Variants in FLI1 observed in about 807,000 individuals in gnomAD.
FLI1 encodes the protein Fli-1 proto-oncogene, ETS transcription factor, also known as Friend leukemia integration 1 transcription factor.
A neutral mutation model predicts 53.1 loss-of-function variants in FLI1; 13 were observed. That is an observed-to-expected ratio of 0.24 (90% confidence interval 0.16 to 0.39). The LOEUF is 0.39. Ranked by LOEUF, FLI1 falls within the 10% of genes least tolerant of loss-of-function variation. The pLI is 1.00. For missense variants in FLI1, 424 were observed against 600.5 expected (o/e 0.71, Z 3.07); for synonymous variants, 244 against 236.7 (o/e 1.03, Z -0.28).
At chr11:128,727,449 C>T (rs1225426130) in intron 1 of FLI1, among the ~76,000 whole-genome samples, 1 of 152,214 alleles carries the variant, frequency 6.6e-6, no homozygotes, top group African/African-American at 2.4e-5. Context: ...AGATGCTGAT[C>T]TCAGCAAGTC....
intron 2 of FLI1, among the ~76,000 whole-genome samples, chr11:128,767,803 G>A (rs1354403596): frequency 6.7e-6 from 1 of 149,778 alleles, no homozygotes; most frequent in Non-Finnish European, 1.5e-5. Flanking sequence ...TGGCAGTGAG[G>A]CTAAAAATGT....
At chr11:128,741,539 G>A (rs1425872886) in intron 1 of FLI1, among the ~76,000 whole-genome samples, 3 of 152,220 alleles carry the variant, frequency 2.0e-5, no homozygotes, top group Non-Finnish European at 4.4e-5. Flanking sequence ...AGATCTAATG[G>A]GTGTTTCAGG....
Position 128,782,002 on chromosome 11 carries a change from T to C in FLI1, c.634T>C (p.Ser212Pro). 6.2e-7 allele frequency: 1 copy of C among 1,613,860 alleles called. No homozygotes were observed. The highest frequency in any genetic ancestry group is 1.6e-4 in the Middle Eastern group (1 of 6,062). Residue 212 changes from serine to proline, a missense_variant, in exon 5 of 9, where the codon TCA becomes CCA. Physicochemically the swap from Ser to Pro is moderately conservative, Grantham distance 74. Around this residue, in one of 5 missense-constraint regions of FLI1, gnomAD observed 114 missense variants for 117.9 expected, o/e 0.97. Coordinates refer to ENST00000527786, the MANE Select transcript of FLI1 (RefSeq NM_002017.5). ...TACAACCTCCCACACCGACCAATCC[T>C]CACGATTGAGTGTCAAAGAAGGTAA... ...YNTTSHTDQS[S>P]RLSVKEDPSY... is the part of the protein sequence containing the mutation.
intron 5 of FLI1, among the ~76,000 whole-genome samples, chr11:128,783,836 T>C (rs559628153): frequency 2.9e-4 from 44 of 152,262 alleles, no homozygotes; most frequent in Admixed American, 1.9e-3. Context: ...TTTGATATGT[T>C]CTACATACTG....
At chr11:128,776,708 T>C (rs1427038828) in intron 4 of FLI1, among the ~76,000 whole-genome samples, 1 of 152,186 alleles carries the variant, frequency 6.6e-6, no homozygotes, top group Non-Finnish European at 1.5e-5. Context: ...ATTTTGAAGC[T>C]GAACCCACTG....
chr11:128,735,238 T>C (rs1441286155), intron 1 of FLI1, among the ~76,000 whole-genome samples: 2 of 152,162 alleles, frequency 1.3e-5, no homozygotes, highest in Admixed American at 1.3e-4. Context: ...AACAACAAAA[T>C]GAGGGGAAAT....
chr11:128,730,327 G>A (rs1481919640), intron 1 of FLI1, among the ~76,000 whole-genome samples: 1 of 152,186 alleles, frequency 6.6e-6, no homozygotes, highest in Non-Finnish European at 1.5e-5. Context: ...TAGGCCACAC[G>A]TTTACGCTCA....
chr11:128,784,426 A>G (rs963321663), intron 5 of FLI1, among the ~76,000 whole-genome samples: 5 of 152,322 alleles, frequency 3.3e-5, no homozygotes, highest in African/African-American at 1.2e-4. Context: ...CTCTTCTGAA[A>G]TGAATTAACT....
chr11:128,761,250 T>C lies in FLI1; in HGVS notation c.230+2924T>C, dbSNP rs571181818. ...AACATTCCTACTCCATCTAGTCATA[T>C]GACTCTCTCCCTCACGAGTTTTGGG... On this transcript the variant is annotated intron_variant, in intron 2 of 8. Coordinates refer to ENST00000527786, the MANE Select transcript of FLI1 (RefSeq NM_002017.5). Among the ~76,000 whole-genome samples the C allele has an allele frequency of 2.0e-5, 3 of 152,284 alleles. No individual in the cohort carries two copies. In the East Asian group the frequency reaches 5.8e-4, roughly 29 times the overall value.
At position 128,741,130 on chromosome 11, in the gene FLI1, A is replaced by G. The variant is rs546721000; in HGVS notation, c.19-16985A>G. Reference sequence around the variant, plus strand: ...GTCACTCAGCCAGGCATGGTGGCTCATGCTTATAATCCCAGCACTTTGGGA... The same window carrying G: ...GTCACTCAGCCAGGCATGGTGGCTCGTGCTTATAATCCCAGCACTTTGGGA... On this transcript the variant is annotated intron_variant, in intron 1 of 8. Transcript: ENST00000527786. 5.3e-5 allele frequency among the ~76,000 whole-genome samples: 8 copies of G among 152,356 alleles called. No homozygotes were observed. In the East Asian group the frequency reaches 1.5e-3, roughly 29 times the overall value.
chr11:128,726,679 G>A (rs1317669244), intron 1 of FLI1, among the ~76,000 whole-genome samples: 1 of 152,130 alleles, frequency 6.6e-6, no homozygotes, highest in Non-Finnish European at 1.5e-5. Flanking sequence ...CCCACAGACA[G>A]AGACAGAGGA....
upstream of FLI1, among the ~76,000 whole-genome samples, chr11:128,685,417 CG>C (rs369348378): frequency 6.6e-6 from 1 of 152,162 alleles, no homozygotes; most frequent in African/African-American, 2.4e-5. Flanking sequence ...GATGCAGGGT[CG>C]GGGCGCCTCA....
At chr11:128,748,284 T>G (rs1940492371) in intron 1 of FLI1, 9 of 983,172 alleles carry the variant, frequency 9.2e-6, no homozygotes, top group Non-Finnish European at 1.1e-5. Flanking sequence ...CCCCAGGAAG[T>G]GGAATTGTAA....
chr11:128,708,603 G>C (rs1024155794), intron 1 of FLI1, among the ~76,000 whole-genome samples: 1 of 152,096 alleles, frequency 6.6e-6, no homozygotes, highest in Non-Finnish European at 1.5e-5. Flanking sequence ...AAGGATTAAG[G>C]CTTCTTGATG....
At chr11:128,746,508 G>C (rs532345783) in intron 1 of FLI1, among the ~76,000 whole-genome samples, 2 of 152,106 alleles carry the variant, frequency 1.3e-5, no homozygotes, top group African/African-American at 4.8e-5. Flanking sequence ...CCTTTGTCAC[G>C]CAGAGTCCTC....
intron 5 of FLI1, among the ~76,000 whole-genome samples, chr11:128,798,456 G>A (rs140230597): frequency 3.3e-5 from 5 of 152,286 alleles, no homozygotes; most frequent in African/African-American, 7.2e-5. Context: ...CACTCTCCAC[G>A]CTTTTCATAT....
At chr11:128,686,700 A>C (rs1163307564) in exon 1 of FLI1, 1 of 344,646 alleles carries the variant, frequency 2.9e-6, no homozygotes, top group Non-Finnish European at 5.8e-6. Context: ...TCTTACATCA[A>C]GGTAAGACAT....
chr11:128,722,047 G>A (rs1439950214), intron 1 of FLI1, among the ~76,000 whole-genome samples: 1 of 152,148 alleles, frequency 6.6e-6, no homozygotes, highest in African/African-American at 2.4e-5. Context: ...ATGGTAGGAT[G>A]CTCCAAAAGA....
At chr11:128,707,087 G>C (rs750135356) in intron 1 of FLI1, among the ~76,000 whole-genome samples, 13 of 152,198 alleles carry the variant, frequency 8.5e-5, no homozygotes, top group Non-Finnish European at 1.6e-4. Context: ...GCTCTGCTTT[G>C]TATAACCTGC....
Sources: gnomAD v4.1 joint callset for allele counts (sites outside exome capture counted in the v4.1 genomes callset) on GRCh38, gnomAD v4.1.1 for gene constraint, gnomAD v4.1.1 regional missense constraint, MANE v1.5 for transcripts, NCBI Gene and HGNC (gene_info 2026-07-23, HGNC 2026-07-21) for gene names.